The following ATP11A variants were observed in gnomAD, a reference collection of about 807,000 sequenced individuals.
The protein encoded by ATP11A is phospholipid-transporting ATPase IH.
Under a neutral mutation model 154.4 loss-of-function variants are expected in ATP11A, and 81 were observed. That is an observed-to-expected ratio of 0.52 (90% CI 0.44 to 0.63). The LOEUF (loss-of-function observed/expected upper bound fraction) is 0.63. Among genes scored for constraint, ATP11A ranks in the 30% least tolerant of loss-of-function variants. ATP11A has a pLI of 0.00. For synonymous variants in ATP11A, 623 were observed against 585.9 expected, an observed-to-expected ratio of 1.06 and a Z score of -0.91; for missense variants, 1,316 against 1,474.3, an observed-to-expected ratio of 0.89 and a Z score of 1.76.
chr13:112,840,400 C>A (rs2079373779), intron 16 of ATP11A, among the ~76,000 whole-genome samples: 8 of 92,126 alleles, frequency 8.7e-5, no homozygotes, highest in East Asian at 3.7e-4. Flanking sequence ...ATCCCCCCTG[C>A]CTCAGCCTCC....
intron 1 of ATP11A, among the ~76,000 whole-genome samples, chr13:112,740,172 A>G (rs1458269540): frequency 2.1e-5 from 3 of 143,570 alleles, no homozygotes; most frequent in African/African-American, 7.7e-5. Context: ...ATATATATAG[A>G]TATCTATATG....
intron 9 of ATP11A, 58 bp from the exon 10 acceptor site, chr13:112,824,286 A>G: frequency 7.5e-7 from 1 of 1,342,002 alleles, no homozygotes; most frequent in Admixed American, 1.7e-5. Flanking sequence ...TGTGTAACTC[A>G]CCATAAGGCA....
At chr13:112,741,289 G>A (rs1461388890) in intron 1 of ATP11A, among the ~76,000 whole-genome samples, 1 of 151,612 alleles carries the variant, frequency 6.6e-6, no homozygotes, top group African/African-American at 2.4e-5. Flanking sequence ...GGGCTGTGGG[G>A]CAGGAGCTGT....
chr13:112,717,958 T>C (rs186447212), intron 1 of ATP11A, among the ~76,000 whole-genome samples: 1 of 152,168 alleles, frequency 6.6e-6, no homozygotes, highest in African/African-American at 2.4e-5. Context: ...ATGCCTGTAA[T>C]CCCAGCTACT....
intron 1 of ATP11A, among the ~76,000 whole-genome samples, chr13:112,742,244 T>G (rs1891639060): frequency 6.6e-6 from 1 of 152,202 alleles, no homozygotes; most frequent in Non-Finnish European, 1.5e-5. Flanking sequence ...GGCCTGATGT[T>G]GCATGGGAAA....
rs546815042 is a variant in ATP11A, at chr13:112,804,724, G to A, written c.163-233G>A. ...TCAAACTATTGTTGAGCTACCTTGCGTTTTATCTTGAATTCTCTGGAGTTA... is the reference window on the plus strand; with the variant it reads ...TCAAACTATTGTTGAGCTACCTTGCATTTTATCTTGAATTCTCTGGAGTTA... On this transcript the variant is annotated intron_variant, in intron 2 of 29. Coordinates refer to ENST00000375645, the MANE Select transcript of ATP11A (RefSeq NM_015205.3). Among the ~76,000 whole-genome samples the A allele has an allele frequency of 1.3e-4, 20 of 152,078 alleles. 1 individual carries two copies. Among genetic ancestry groups the A allele is most frequent in the African/African-American group, 1.2e-4 (5 of 41,502 alleles).
intron 12 of ATP11A, among the ~76,000 whole-genome samples, chr13:112,827,374 C>T (rs2078960801): frequency 6.6e-6 from 1 of 152,250 alleles, no homozygotes; most frequent in Non-Finnish European, 1.5e-5. Context: ...CCTCGAGTGT[C>T]TCAGTCTGTG....
chr13:112,779,811 G>A (rs987278094), intron 1 of ATP11A, among the ~76,000 whole-genome samples: 4 of 152,130 alleles, frequency 2.6e-5, no homozygotes, highest in Admixed American at 1.3e-4. Context: ...AGGCTGAGGC[G>A]GGAGAATTGC....
intron 14 of ATP11A, among the ~76,000 whole-genome samples, chr13:112,833,785 C>T (rs1167851675): frequency 6.6e-6 from 1 of 152,224 alleles, no homozygotes; most frequent in African/African-American, 2.4e-5. Context: ...CTTCTTGGAG[C>T]TGGGTTTCTC....
In ATP11A at chr13:112,873,659, C is replaced by T. The variant is rs746987362; in HGVS notation, c.3144C>T (p.Leu1048=). ...TGTTCTACGTTGTCTTTTCGCTTCTCTGGGGAGGAGTGATCTGGTAAATAT... is the reference window on the plus strand; with the variant it reads ...TGTTCTACGTTGTCTTTTCGCTTCTTTGGGGAGGAGTGATCTGGTAAATAT... ...SLLFYVVFSL[L]WGGVIWPFLN... Residue 1048 remains leucine (L), a synonymous_variant, in exon 27 of 30, where the codon CTC becomes CTT. Coordinates refer to ENST00000375645, the MANE Select transcript of ATP11A (RefSeq NM_015205.3). 4.3e-6 allele frequency: 7 copies of T among 1,612,886 alleles called. No homozygotes were observed. Among genetic ancestry groups the T allele is most frequent in the Non-Finnish European group, 5.9e-6 (7 of 1,179,106 alleles).
At chr13:112,865,081 A>C (rs535167797) in intron 25 of ATP11A, among the ~76,000 whole-genome samples, 784 of 58,474 alleles carry the variant, frequency 0.013, 1 homozygote, top group Middle Eastern at 0.076. Flanking sequence ...CCATCACCAC[A>C]TGGGCAGTAA....
chr13:112,719,367 C>G (rs559922546), intron 1 of ATP11A, among the ~76,000 whole-genome samples: 1 of 152,234 alleles, frequency 6.6e-6, no homozygotes, highest in Non-Finnish European at 1.5e-5. Flanking sequence ...ATCTTCTGTT[C>G]ATGACTTTGT....
intron 1 of ATP11A, among the ~76,000 whole-genome samples, chr13:112,709,467 C>T (rs1366775680): frequency 6.6e-6 from 1 of 152,184 alleles, no homozygotes; most frequent in East Asian, 1.9e-4. Flanking sequence ...GATCCAGGCA[C>T]CCTTTTAAGT....
chr13:112,701,881 C>T (rs986574859), intron 1 of ATP11A, among the ~76,000 whole-genome samples: 2 of 152,104 alleles, frequency 1.3e-5, no homozygotes, highest in Middle Eastern at 3.4e-3. Context: ...TCCGCGTCGC[C>T]CTTTTCCTCC....
intron 1 of ATP11A, among the ~76,000 whole-genome samples, chr13:112,784,585 G>A (rs2077576221): frequency 6.7e-6 from 1 of 149,812 alleles, no homozygotes. Flanking sequence ...GTGCAGTGGT[G>A]CTATCTCGGT....
rs1263313832 is a variant in ATP11A, at chr13:112,884,160, C to A, written c.*2294C>A. ...CAGATTTGATTTTATTCTCTACACA[C>A]ACCTCTTCTTTTCTTGGTATTTCTG... On this transcript the variant is annotated 3_prime_UTR_variant, in exon 30 of 30. Transcript: ENST00000375645. The A allele has an allele frequency of 6.6e-6, 1 of 152,586 alleles. No individual in the cohort carries two copies. The allele number at this position is 152,586 out of a possible 1,614,324, so 9.5% of individuals were successfully genotyped here.
intron 1 of ATP11A, among the ~76,000 whole-genome samples, chr13:112,758,293 C>T (rs1397572659): frequency 1.3e-5 from 2 of 152,088 alleles, no homozygotes; most frequent in Non-Finnish European, 2.9e-5. Context: ...AACTCCTGAC[C>T]TCAGGTGATC....
In ATP11A at chr13:112,883,026, C is replaced by T; in HGVS notation, c.*1160C>T. The stretch of plus-strand genomic sequence containing the variant: ...CGTCCCCTCGTCCCATCCCCACGTC[C>T]CCTCATCCCGTCACCTCGTCCCCAC... On this transcript the variant is annotated 3_prime_UTR_variant, in exon 30 of 30. Transcript: ENST00000375645. 1 of 398,130 alleles carries T rather than the reference C, an allele frequency of 2.5e-6. No homozygotes were observed. Among genetic ancestry groups the T allele is most frequent in the Non-Finnish European group, 4.4e-6 (1 of 226,008 alleles). 24.7% of individuals were successfully genotyped at this position (398,130 alleles called of 1,614,324 possible).
rs9577834 is a variant in ATP11A at position 112,755,665 on chromosome 13, A to C, written c.40-29470A>C. ...ACCATTTCCAGTCAGGGAAGCATCA[A>C]TCAGAGCGGCTCCCAGAACCATTTC... On this transcript the variant is annotated intron_variant, in intron 1 of 29. Transcript: ENST00000375645. Among the ~76,000 whole-genome samples, 277 of 128,452 alleles carry C rather than the reference A, an allele frequency of 2.2e-3. 2 individuals are homozygous for C. The East Asian group carries it at 0.044, about 21-fold the overall frequency. 84.3% of individuals were successfully genotyped at this position (128,452 alleles called of 152,430 possible). A position where few individuals can be genotyped will look rare whatever the true frequency, so the allele number is the denominator to read the frequency against.
Sources: gnomAD v4.1 joint callset for allele counts (sites outside exome capture counted in the v4.1 genomes callset) on GRCh38, gnomAD v4.1.1 for gene constraint, MANE v1.5 for transcripts, NCBI Gene and HGNC (gene_info 2026-07-23, HGNC 2026-07-21) for gene names.